ADRA1B: variants seen among roughly 807,000 people sequenced by gnomAD.
ADRA1B encodes adrenoceptor alpha 1B, also known as alpha-1B adrenergic receptor.
ADRA1B carries 17 observed loss-of-function variants against 17.9 expected under a neutral mutation model. The ratio of observed to expected loss-of-function variants is 0.95; its 90% confidence interval spans 0.65 to 1.42. The LOEUF is 1.42. ADRA1B is among the 40% of genes most tolerant of loss of function. ADRA1B has a pLI of 0.00. For synonymous variants in ADRA1B, 366 were observed against 327.6 expected (o/e 1.12, Z -1.27); for missense variants, 681 against 722.1 (o/e 0.94, Z 0.65).
chr5:159,876,496 A>G (rs1212475540), intron 1 of ADRA1B, among the ~76,000 whole-genome samples: 2 of 150,968 alleles, frequency 1.3e-5, no homozygotes, highest in Admixed American at 1.3e-4. Context: ...AAACCACATG[A>G]CCATCCCTAA....
chr5:159,962,160 T>C (rs965180078), intron 1 of ADRA1B, among the ~76,000 whole-genome samples: 2 of 152,078 alleles, frequency 1.3e-5, no homozygotes, highest in African/African-American at 2.4e-5. Flanking sequence ...ATTGCACCAC[T>C]GTGCTCCAGC....
the ADRA1B span, among the ~76,000 whole-genome samples, chr5:159,986,090 C>T: frequency 6.6e-6 from 1 of 152,228 alleles, no homozygotes; most frequent in Non-Finnish European, 1.5e-5. Context: ...CTGAGTTTCA[C>T]AGGTGAGGAC....
chr5:159,938,603 G>A (rs1755019536), intron 1 of ADRA1B, among the ~76,000 whole-genome samples: 2 of 152,090 alleles, frequency 1.3e-5, no homozygotes, highest in South Asian at 2.1e-4. Flanking sequence ...GGATAGATGT[G>A]AACAATGCAA....
intron 1 of ADRA1B, chr5:159,869,746 G>C (rs1474643283): frequency 6.6e-6 from 1 of 152,196 alleles, no homozygotes; most frequent in Non-Finnish European, 1.5e-5. Context: ...ACCAGTTAGT[G>C]TCCCTGTATC....
chr5:159,954,665 C>T (rs111564611), intron 1 of ADRA1B, among the ~76,000 whole-genome samples: 52 of 152,150 alleles, frequency 3.4e-4, no homozygotes, highest in African/African-American at 1.2e-3. Flanking sequence ...CAACAGGAAT[C>T]GGGGGACTCC....
the ADRA1B span, among the ~76,000 whole-genome samples, chr5:159,984,904 CAAA>C: frequency 1.5e-5 from 2 of 136,782 alleles, no homozygotes; most frequent in South Asian, 2.4e-4. Flanking sequence ...AACTCTATCT[CAAA>C]AAAAAAAAAA....
At chr5:159,977,412 G>A (rs1328417260), downstream of ADRA1B, among the ~76,000 whole-genome samples, 1 of 152,114 alleles carries the variant, frequency 6.6e-6, no homozygotes, top group African/African-American at 2.4e-5. Flanking sequence ...GGTAGAGGGT[G>A]GCCCACTGGA....
At chr5:159,952,890 A>C (rs1755472349) in intron 1 of ADRA1B, among the ~76,000 whole-genome samples, 1 of 152,234 alleles carries the variant, frequency 6.6e-6, no homozygotes, top group Non-Finnish European at 1.5e-5. Context: ...GACACTGCGT[A>C]AGAAGCCAGG....
At chr5:159,876,965 C>G (rs943219931) in intron 1 of ADRA1B, among the ~76,000 whole-genome samples, 1 of 152,168 alleles carries the variant, frequency 6.6e-6, no homozygotes, top group Admixed American at 6.5e-5. Context: ...ACCAAGGGCC[C>G]AGAATTTGTT....
intron 1 of ADRA1B, among the ~76,000 whole-genome samples, chr5:159,909,230 C>A (rs1276599445): frequency 6.6e-6 from 1 of 152,156 alleles, no homozygotes; most frequent in Non-Finnish European, 1.5e-5. Flanking sequence ...ATGCTATTTC[C>A]CAAGCAAGCC....
intron 1 of ADRA1B, among the ~76,000 whole-genome samples, chr5:159,933,805 TA>T (rs1754877560): frequency 6.6e-6 from 1 of 152,180 alleles, no homozygotes; most frequent in African/African-American, 2.4e-5. Flanking sequence ...CGTCCCAATT[TA>T]AAACCATAAC....
chr5:159,890,222 A>G (rs1480918516), intron 1 of ADRA1B, among the ~76,000 whole-genome samples: 1 of 152,142 alleles, frequency 6.6e-6, no homozygotes. Flanking sequence ...CCCAGACCAT[A>G]GATGGCCCCA....
intron 1 of ADRA1B, among the ~76,000 whole-genome samples, chr5:159,866,346 T>C (rs1001172086): frequency 6.9e-6 from 1 of 145,652 alleles, no homozygotes; most frequent in East Asian, 2.0e-4. Context: ...ACACCTGTAA[T>C]GAGGCCAAGG....
chr5:159,932,696 A>G (rs1409131960), intron 1 of ADRA1B, among the ~76,000 whole-genome samples: 2 of 152,108 alleles, frequency 1.3e-5, no homozygotes, highest in Admixed American at 6.6e-5. Context: ...ATCCTTCCAG[A>G]TATGTTCTAT....
chr5:159,963,873 T>G (rs1581069811), intron 1 of ADRA1B, among the ~76,000 whole-genome samples: 1 of 152,304 alleles, frequency 6.6e-6, no homozygotes, highest in South Asian at 2.1e-4. Context: ...CCTTTGACCC[T>G]TGCACTTCTC....
chr5:159,929,682 T>C (rs1299633601), intron 1 of ADRA1B, among the ~76,000 whole-genome samples: 1 of 152,186 alleles, frequency 6.6e-6, no homozygotes, highest in Non-Finnish European at 1.5e-5. Flanking sequence ...GCATGATTAC[T>C]TGTAGCAATT....
At chr5:159,950,440 G>A (rs1327123692) in intron 1 of ADRA1B, 2 of 913,992 alleles carry the variant, frequency 2.2e-6, no homozygotes, top group Middle Eastern at 3.2e-4. Flanking sequence ...CCCCATCAGT[G>A]AGGGCTTCTC....
At chr5:159,876,092 G>A (rs1753799573) in intron 1 of ADRA1B, among the ~76,000 whole-genome samples, 1 of 152,196 alleles carries the variant, frequency 6.6e-6, no homozygotes, top group African/African-American at 2.4e-5. Context: ...ACGAGGCTGA[G>A]GCAGGAGAAT....
intron 1 of ADRA1B, among the ~76,000 whole-genome samples, chr5:159,865,430 T>G (rs1052132307): frequency 6.6e-6 from 1 of 152,210 alleles, no homozygotes; most frequent in African/African-American, 2.4e-5. Flanking sequence ...GAGAAGTTTT[T>G]GGGTGAAACC....
Sources: gnomAD v4.1 joint callset for allele counts (sites outside exome capture counted in the v4.1 genomes callset) on GRCh38, gnomAD v4.1.1 for gene constraint, MANE v1.5 for transcripts, NCBI Gene and HGNC (gene_info 2026-07-23, HGNC 2026-07-21) for gene names.